Variants in ZNF546 observed in about 807,000 individuals in gnomAD.
ZNF546 encodes the protein zinc finger protein 546.
A neutral mutation model predicts 76.2 loss-of-function variants in ZNF546; 60 were observed. The observed-to-expected ratio is 0.79, with a 90% CI of 0.64 to 0.98. ZNF546 has a LOEUF of 0.98. Among genes scored for constraint, ZNF546 ranks in the 50% least tolerant of loss-of-function variants. The pLI, the probability that ZNF546 is intolerant of heterozygous loss-of-function variation, is 0.00. For missense variants in ZNF546, 936 were observed against 1,035.6 expected (o/e 0.90, Z 1.32); for synonymous variants, 277 against 328.1 (o/e 0.84, Z 1.68).
At chr19:40,007,652 T>G (rs1971621613) in intron 5 of ZNF546, among the ~76,000 whole-genome samples, 1 of 152,150 alleles carries the variant, frequency 6.6e-6, no homozygotes, top group African/African-American at 2.4e-5. Flanking sequence ...CAGGTTTGAG[T>G]TGTGTGACAT....
At chr19:40,002,099 C>CA (rs1971538184) in intron 3 of ZNF546, among the ~76,000 whole-genome samples, 1 of 152,194 alleles carries the variant, frequency 6.6e-6, no homozygotes, top group African/African-American at 2.4e-5. Context: ...CCCATAATGG[C>CA]ATATGCTCCT....
At chr19:40,001,141 G>A (rs375001457) in intron 3 of ZNF546, among the ~76,000 whole-genome samples, 14 of 152,084 alleles carry the variant, frequency 9.2e-5, no homozygotes, top group African/African-American at 2.9e-4. Flanking sequence ...GAGATCAAGC[G>A]GTTAATGCTA....
At chr19:40,002,497 A>T (rs545216053) in intron 3 of ZNF546, among the ~76,000 whole-genome samples, 1 of 152,190 alleles carries the variant, frequency 6.6e-6, no homozygotes, top group Non-Finnish European at 1.5e-5. Flanking sequence ...TAGACTGAAT[A>T]AGTATAAGGT....
chr19:40,004,232 A>C (rs1241953269), intron 3 of ZNF546, among the ~76,000 whole-genome samples: 1 of 151,150 alleles, frequency 6.6e-6, no homozygotes, highest in Non-Finnish European at 1.5e-5. Context: ...AAAATGAAAA[A>C]TAAGTACATA....
intron 3 of ZNF546, chr19:39,999,582 T>G (rs947143798): frequency 6.9e-6 from 1 of 145,306 alleles, no homozygotes; most frequent in Non-Finnish European, 1.5e-5. Flanking sequence ...TTAGCAAGAT[T>G]TTTTTTTTTT....
intron 3 of ZNF546, among the ~76,000 whole-genome samples, chr19:40,001,605 A>C (rs1006593062): frequency 6.6e-6 from 1 of 152,020 alleles, no homozygotes; most frequent in East Asian, 1.9e-4. Flanking sequence ...CAGGTGATCC[A>C]CCCACCTCAG....
At position 40,019,557 on chromosome 19, in the gene ZNF546, TGGA is replaced by T. The variant is rs1015463315; in HGVS notation, c.*3781_*3783del. 2 of 152,152 alleles carry T rather than the reference TGGA, an allele frequency of 1.3e-5. No homozygotes were observed. The highest frequency in any genetic ancestry group is 2.4e-5 in the African/African-American group (1 of 41,448). 9.4% of individuals were successfully genotyped at this position (152,152 alleles called of 1,614,324 possible). On this transcript the variant is annotated 3_prime_UTR_variant, in exon 7 of 7. Coordinates refer to ENST00000347077, the MANE Select transcript of ZNF546 (RefSeq NM_178544.5). ...AATGAGAATTGGATGTAAGTACAGA[TGGA>T]GGAGATATTTTTTGTTTTATTGAAA...
chr19:40,009,017 ATGT>A (rs1362289491), intron 6 of ZNF546, among the ~76,000 whole-genome samples: 2 of 152,212 alleles, frequency 1.3e-5, no homozygotes, highest in Non-Finnish European at 2.9e-5. Context: ...TAAGGGAAAC[ATGT>A]TGTCAATACG....
chr19:40,008,362 T>A, intron 5 of ZNF546, 108 bp from the exon 6 acceptor site: 2 of 743,134 alleles, frequency 2.7e-6, no homozygotes, highest in South Asian at 4.3e-5. Flanking sequence ...TAGTACCATT[T>A]TCACCTGCAG....
chr19:40,000,615 C>CAAA (rs550470156), intron 3 of ZNF546, among the ~76,000 whole-genome samples: 1 of 56,762 alleles, frequency 1.8e-5, no homozygotes, highest in African/African-American at 6.2e-5. Context: ...GACTCTGTCT[C>CAAA]AAAAAAAAAA....
rs1462196403 is a variant in ZNF546, at chr19:40,020,143, A to C, written c.*4362A>C. On this transcript the variant is annotated 3_prime_UTR_variant, in exon 7 of 7. Transcript: ENST00000347077. Reference sequence around the variant, plus strand: ...GGTTTGCGTGAATATATACAGTTGAAATTCAATTCTTCCTTAAAAATAATT... The same window carrying C: ...GGTTTGCGTGAATATATACAGTTGACATTCAATTCTTCCTTAAAAATAATT... 3 of 152,140 alleles carry C rather than the reference A, an allele frequency of 2.0e-5. No individual in the cohort carries two copies. The highest frequency in any genetic ancestry group is 4.8e-5 in the African/African-American group (2 of 41,446). The allele number at this position is 152,140 out of a possible 1,614,324, so 9.4% of individuals were successfully genotyped here. A position where few individuals can be genotyped will look rare whatever the true frequency, so the allele number is the denominator to read the frequency against.
Position 40,017,311 on chromosome 19 carries a change from C to CA in ZNF546, c.*1531dup. 6.6e-6 allele frequency: 1 copy of CA among 152,244 alleles called. No individual in the cohort carries two copies. The highest frequency in any genetic ancestry group is 1.9e-4 in the East Asian group (1 of 5,190). 9.4% of individuals were successfully genotyped at this position (152,244 alleles called of 1,614,324 possible). On this transcript the variant is annotated 3_prime_UTR_variant, in exon 7 of 7. Transcript: ENST00000347077. ...TTTATAACCCAAAAAGCAGGTATGT[C>CA]AGTCGCTTTTTCTGCCCACAATGAT...
intron 3 of ZNF546, 37 bp from the exon 4 acceptor site, chr19:40,006,059 C>A (rs747547826): frequency 1.3e-6 from 2 of 1,564,524 alleles, no homozygotes; most frequent in Admixed American, 3.4e-5. Flanking sequence ...AGTTTTGACA[C>A]ACATCTGGTC....
At chr19:40,001,277 A>C (rs1470703456) in intron 3 of ZNF546, among the ~76,000 whole-genome samples, 1 of 151,712 alleles carries the variant, frequency 6.6e-6, no homozygotes, top group African/African-American at 2.4e-5. Context: ...GGGGTTGGGG[A>C]CCCCTGCCTT....
Position 40,015,243 on chromosome 19 carries a change from T to C in ZNF546, c.1973T>C (p.Ile658Thr), listed in dbSNP as rs751547863. The change falls in exon 7 of 7, where the codon ATT (isoleucine) becomes ACT (threonine). Residue 658 changes from isoleucine (I) to threonine (T), a missense_variant. By Grantham distance (89) the Ile-to-Thr change is moderately conservative (BLOSUM62 -1). Coordinates refer to ENST00000347077, the MANE Select transcript of ZNF546 (RefSeq NM_178544.5). ...RSTHLTQHHR[I>T]HTGEKPYECT... ...ACTCATCTCACGCAACATCACAGAA[T>C]TCATACTGGTGAGAAACCCTACGAA... 6.2e-7 allele frequency: 1 copy of C among 1,613,866 alleles called. No homozygotes were observed. The highest frequency in any genetic ancestry group is 2.2e-5 in the East Asian group (1 of 44,832).
chr19:40,013,334 T>C (rs1229607500), intron 6 of ZNF546, among the ~76,000 whole-genome samples: 1 of 152,198 alleles, frequency 6.6e-6, no homozygotes, highest in Non-Finnish European at 1.5e-5. Context: ...TAAACACTTT[T>C]TGAAATTTAA....
chr19:40,013,951 A>G lies in ZNF546; in HGVS notation c.681A>G (p.Arg227=). Residue 227 remains arginine, a synonymous_variant, in exon 7 of 7, where the codon AGA becomes AGG. Coordinates refer to ENST00000347077, the MANE Select transcript of ZNF546 (RefSeq NM_178544.5). ...GTAAGGAATGTAGAAAGGCCTTTAG[A>G]CAACAGTCATACCTTATTCAACATC... is the stretch of plus-strand genomic sequence containing the variant. ...YECKECRKAF[R]QQSYLIQHLR... 1 of 1,612,192 alleles carries G rather than the reference A, an allele frequency of 6.2e-7. No homozygotes were observed. The highest frequency in any genetic ancestry group is 1.3e-5 in the African/African-American group (1 of 74,960).
rs1420444112 is a variant in ZNF546 at position 40,017,859 on chromosome 19, G to C, written c.*2078G>C. ...ATTTGTGTAAACAATGCTTTTCATA[G>C]GTTATTTTTAAATTCAGGAACCAAA... On this transcript the variant is annotated 3_prime_UTR_variant, in exon 7 of 7. Coordinates refer to ENST00000347077, the MANE Select transcript of ZNF546 (RefSeq NM_178544.5). 1 of 150,600 alleles carries C rather than the reference G, an allele frequency of 6.6e-6. No individual in the cohort carries two copies. The highest frequency in any genetic ancestry group is 1.5e-5 in the Non-Finnish European group (1 of 67,814). 9.3% of individuals were successfully genotyped at this position (150,600 alleles called of 1,614,324 possible). A position where few individuals can be genotyped will look rare whatever the true frequency, so the allele number is the denominator to read the frequency against.
chr19:40,007,397 C>T lies in ZNF546; in HGVS notation c.295C>T (p.Leu99=), dbSNP rs755262981. 9.6e-5 allele frequency: 153 copies of T among 1,590,682 alleles called. No individual in the cohort carries two copies. The highest frequency in any genetic ancestry group is 3.3e-4 in the Middle Eastern group (2 of 5,980). ...GGAGAACTACAGCAACCTGGTCTCACTGGGTAAGGTATCTTTCGAAATCGT... is the reference window on the plus strand; with the variant it reads ...GGAGAACTACAGCAACCTGGTCTCATTGGGTAAGGTATCTTTCGAAATCGT... ...MLENYSNLVS[L]GYTIPKPDVI... is the part of the protein sequence containing the mutation. The change falls in exon 5 of 7, where the codon CTG becomes TTG. Residue 99 remains leucine, a synonymous_variant. Coordinates refer to ENST00000347077, the MANE Select transcript of ZNF546 (RefSeq NM_178544.5).
Sources: allele counts gnomAD v4.1 joint callset (sites outside exome capture counted in the v4.1 genomes callset), GRCh38; gene constraint gnomAD v4.1.1; transcripts MANE v1.5; gene names NCBI Gene and HGNC (gene_info 2026-07-23, HGNC 2026-07-21).